Variants in PCDH7 observed in about 807,000 individuals in gnomAD.
PCDH7 encodes the protein protocadherin 7.
PCDH7 carries 17 observed loss-of-function variants against 58.9 expected under a neutral mutation model. The observed-to-expected ratio is 0.29, with a 90% CI of 0.20 to 0.43. The LOEUF (loss-of-function observed/expected upper bound fraction) is 0.43. Among genes scored for constraint, PCDH7 ranks in the 20% least tolerant of loss-of-function variants. The pLI is 1.00. For missense variants in PCDH7, 1,274 were observed against 1,441.0 expected (o/e 0.88, Z 1.88); for synonymous variants, 664 against 616.4 (o/e 1.08, Z -1.14).
At chr4:30,887,762 G>T (rs1738017923) in intron 1 of PCDH7, among the ~76,000 whole-genome samples, 2 of 152,070 alleles carry the variant, frequency 1.3e-5, no homozygotes, top group Non-Finnish European at 2.9e-5. Context: ...AATTAACTTA[G>T]ACTCAATGAA....
At chr4:30,850,529 T>C (rs1026644530) in intron 1 of PCDH7, among the ~76,000 whole-genome samples, 3 of 152,120 alleles carry the variant, frequency 2.0e-5, no homozygotes, top group Non-Finnish European at 4.4e-5. Flanking sequence ...CCAGGGTTTT[T>C]CTTTTTTATT....
chr4:30,910,878 A>G (rs1741645606), intron 1 of PCDH7, among the ~76,000 whole-genome samples: 1 of 152,174 alleles, frequency 6.6e-6, no homozygotes, highest in Non-Finnish European at 1.5e-5. Context: ...CTGTAACACT[A>G]TTCACAAGAG....
chr4:31,097,637 T>TAA (rs1463617634), intron 3 of PCDH7, among the ~76,000 whole-genome samples: 6 of 89,306 alleles, frequency 6.7e-5, no homozygotes, highest in African/African-American at 1.1e-4. Context: ...TATATATATA[T>TAA]AAATCTTTTT....
At chr4:31,123,462 G>A (rs181179415) in intron 3 of PCDH7, among the ~76,000 whole-genome samples, 105 of 152,194 alleles carry the variant, frequency 6.9e-4, no homozygotes, top group African/African-American at 2.2e-3. Flanking sequence ...AACCCCTTGC[G>A]GGAGGAAAAG....
At chr4:30,809,111 T>G (rs1355520687) in intron 1 of PCDH7, among the ~76,000 whole-genome samples, 1 of 152,256 alleles carries the variant, frequency 6.6e-6, no homozygotes, top group African/African-American at 2.4e-5. Context: ...CATTCTCTAT[T>G]AAGTCTACAA....
At chr4:31,108,410 T>G in intron 3 of PCDH7, among the ~76,000 whole-genome samples, 1 of 54,928 alleles carries the variant, frequency 1.8e-5, no homozygotes, top group African/African-American at 5.3e-5. Context: ...AAAAAAAAAA[T>G]CACTTTCTAA....
At chr4:30,954,723 TA>T (rs1230122331) in intron 3 of PCDH7, among the ~76,000 whole-genome samples, 1 of 152,150 alleles carries the variant, frequency 6.6e-6, no homozygotes, top group Non-Finnish European at 1.5e-5. Context: ...TCAATGCCAT[TA>T]AAATGGGGGA....
chr4:30,861,014 G>A (rs1295756311), intron 1 of PCDH7, among the ~76,000 whole-genome samples: 2 of 152,142 alleles, frequency 1.3e-5, no homozygotes, highest in Non-Finnish European at 2.9e-5. Context: ...AAAAGAGTTT[G>A]CATGGACATT....
chr4:31,096,220 C>T (rs796226631), intron 3 of PCDH7, among the ~76,000 whole-genome samples: 12 of 152,174 alleles, frequency 7.9e-5, no homozygotes, highest in South Asian at 2.1e-4. Flanking sequence ...GGAAGTTAGA[C>T]GGAACTGTTT....
intron 1 of PCDH7, among the ~76,000 whole-genome samples, chr4:30,896,318 T>C (rs1739385029): frequency 6.6e-6 from 1 of 152,166 alleles, no homozygotes; most frequent in African/African-American, 2.4e-5. Flanking sequence ...TTTATATTTC[T>C]CCTAAAACAG....
At chr4:30,762,627 T>G (rs1404851927) in intron 1 of PCDH7, among the ~76,000 whole-genome samples, 1 of 152,214 alleles carries the variant, frequency 6.6e-6, no homozygotes, top group East Asian at 1.9e-4. Context: ...AGTTTACCCC[T>G]TGAGGATTTT....
chr4:30,828,175 G>A (rs576119068), intron 1 of PCDH7, among the ~76,000 whole-genome samples: 190 of 151,968 alleles, frequency 1.3e-3, no homozygotes, highest in African/African-American at 4.3e-3. Context: ...AGTTTTGAGA[G>A]GATAAAAGGA....
At chr4:31,058,897 G>A (rs1339586862) in intron 3 of PCDH7, among the ~76,000 whole-genome samples, 1 of 151,952 alleles carries the variant, frequency 6.6e-6, no homozygotes, top group Non-Finnish European at 1.5e-5. Flanking sequence ...GAATTGTGAA[G>A]CTATTTACAG....
Position 30,723,443 on chromosome 4 carries a change from T to A in PCDH7, c.2021T>A (p.Met674Lys), listed in dbSNP as rs1306067057. 6.2e-7 allele frequency: 1 copy of A among 1,614,168 alleles called. No individual in the cohort carries two copies. The highest frequency in any genetic ancestry group is 1.7e-5 in the Admixed American group (1 of 60,026). The change falls in exon 1 of 2, where the codon ATG (methionine) becomes AAG (lysine). Residue 674 changes from methionine (M) to lysine (K), a missense_variant. Transcript: ENST00000361762. This position sits in a 1 kb window ranked among gnomAD's most constrained non-coding sequence, Gnocchi z 4.6. ...GCTGACAAGGGGCGGAATGCAGAGA[T>A]GAGCCTGTACATAGAGGAGAACAAT...
chr4:30,962,362 A>G (rs1578424395), intron 3 of PCDH7, among the ~76,000 whole-genome samples: 1 of 152,136 alleles, frequency 6.6e-6, no homozygotes, highest in South Asian at 2.1e-4. Flanking sequence ...TTCAAGTTGG[A>G]CCGCCTATGT....
intron 3 of PCDH7, among the ~76,000 whole-genome samples, chr4:31,049,245 C>T (rs1756551701): frequency 1.3e-5 from 2 of 151,908 alleles, no homozygotes; most frequent in Admixed American, 6.6e-5. Flanking sequence ...TGAGAACATG[C>T]GGTGTTTGGT....
intron 3 of PCDH7, among the ~76,000 whole-genome samples, chr4:31,090,629 GT>G: frequency 6.6e-6 from 1 of 152,110 alleles, no homozygotes; most frequent in South Asian, 2.1e-4. Flanking sequence ...AATATTTGCA[GT>G]TTCACTAATT....
At chr4:31,099,425 C>T (rs1343624471) in intron 3 of PCDH7, among the ~76,000 whole-genome samples, 1 of 152,140 alleles carries the variant, frequency 6.6e-6, no homozygotes, top group East Asian at 1.9e-4. Context: ...ATACATTTAT[C>T]AGAAGTGGTA....
At chr4:30,866,915 C>T (rs1734954767) in intron 1 of PCDH7, among the ~76,000 whole-genome samples, 1 of 151,980 alleles carries the variant, frequency 6.6e-6, no homozygotes. Context: ...CTTTTCCTTT[C>T]TTTTTGGTTT....
Sources: gnomAD v4.1 joint callset for allele counts (sites outside exome capture counted in the v4.1 genomes callset) on GRCh38, gnomAD v4.1.1 for gene constraint, Gnocchi (gnomAD v3.1) non-coding constraint, MANE v1.5 for transcripts, NCBI Gene and HGNC (gene_info 2026-07-23, HGNC 2026-07-21) for gene names.